Variants in ABLIM1 observed in about 807,000 individuals in gnomAD.
ABLIM1 encodes actin-binding LIM protein 1.
In ABLIM1, 40 loss-of-function variants were observed where a neutral mutation model predicts 107.0. The observed-to-expected ratio is 0.37, with a 90% CI of 0.29 to 0.49. The LOEUF (loss-of-function observed/expected upper bound fraction) is 0.49. Among genes scored for constraint, ABLIM1 ranks in the 20% least tolerant of loss-of-function variants. The pLI, the probability that ABLIM1 is intolerant of heterozygous loss-of-function variation, is 0.97. For synonymous variants in ABLIM1, 357 were observed against 357.3 expected (o/e 1.00, Z 0.01); for missense variants, 857 against 1,008.5 (o/e 0.85, Z 2.04).
intron 1 of ABLIM1, among the ~76,000 whole-genome samples, chr10:114,744,183 TTTGGAGGTAGACTCAAACTTAGTTAGA>T (rs888276847): frequency 1.3e-5 from 2 of 152,218 alleles, no homozygotes; most frequent in Non-Finnish European, 2.9e-5. Context: ...GCACCTGTGC[TTTGGAGGTAGACTCAAACTTAGTTAGA>T]TTGGATTCAA....
chr10:114,626,786 A>C (rs778829168), intron 1 of ABLIM1, among the ~76,000 whole-genome samples: 66 of 152,158 alleles, frequency 4.3e-4, no homozygotes, highest in Non-Finnish European at 8.8e-4. Context: ...GACCAAGTTA[A>C]AATGAGATCA....
chr10:114,453,479 A>G lies in ABLIM1; in HGVS notation c.1446T>C (p.Asn482=), dbSNP rs770400193. The part of the protein sequence containing the change: ...RSPQHFHRPG[N]EPSSGRNSPL... ...GGGAGTTCCGGCCGCTGGACGGCTC[A>G]TTGCCTCCAATGAGAAGAATGGAAA... The change falls in exon 13 of 23, where the codon AAT becomes AAC. Residue 482 remains asparagine (N), a synonymous_variant. Transcript: ENST00000533213. 3 of 1,578,560 alleles carry G rather than the reference A, an allele frequency of 1.9e-6. No homozygotes were observed. The South Asian group carries it at 3.4e-5, about 18-fold the overall frequency.
chr10:114,684,408 G>A, exon 1 of ABLIM1: 1 of 1,612,314 alleles, frequency 6.2e-7, no homozygotes, highest in Non-Finnish European at 8.5e-7. Context: ...CACACAGAAA[G>A]GCTGCAACAC....
At chr10:114,642,981 C>T (rs1436527701) in intron 1 of ABLIM1, among the ~76,000 whole-genome samples, 3 of 152,150 alleles carry the variant, frequency 2.0e-5, no homozygotes, top group East Asian at 1.9e-4. Context: ...GCCAAAACGT[C>T]GTTCAGAGAT....
intron 1 of ABLIM1, among the ~76,000 whole-genome samples, chr10:114,643,260 T>A (rs1204885743): frequency 2.6e-5 from 4 of 152,156 alleles, no homozygotes; most frequent in Non-Finnish European, 5.9e-5. Flanking sequence ...ACATTACAAC[T>A]AACAAAAATC....
At chr10:114,602,280 G>A (rs1191954336) in intron 1 of ABLIM1, among the ~76,000 whole-genome samples, 1 of 152,178 alleles carries the variant, frequency 6.6e-6, no homozygotes, top group Admixed American at 6.5e-5. Flanking sequence ...ATTTTGTTAT[G>A]TGGACTTGTA....
intron 1 of ABLIM1, among the ~76,000 whole-genome samples, chr10:114,699,432 GA>G (rs1374871114): frequency 2.0e-5 from 3 of 151,956 alleles, no homozygotes; most frequent in Non-Finnish European, 4.4e-5. Context: ...TAATAAAAAA[GA>G]AAGCATAAAA....
intron 4 of ABLIM1, among the ~76,000 whole-genome samples, chr10:114,551,275 C>T (rs2068027911): frequency 6.6e-6 from 1 of 152,240 alleles, no homozygotes; most frequent in Non-Finnish European, 1.5e-5. Flanking sequence ...GTCTTGGGCT[C>T]TTTACAACCA....
the ABLIM1 span, among the ~76,000 whole-genome samples, chr10:114,795,577 C>T: frequency 6.6e-5 from 10 of 152,026 alleles, no homozygotes; most frequent in African/African-American, 2.4e-4. Flanking sequence ...GGCGTGGTGG[C>T]ACGAGCCTGT....
intron 6 of ABLIM1, among the ~76,000 whole-genome samples, chr10:114,501,662 AT>A (rs1030508055): frequency 1.1e-4 from 16 of 152,208 alleles, no homozygotes; most frequent in Non-Finnish European, 1.8e-4. Flanking sequence ...TTCCAAATGT[AT>A]TTTTTAAAAT....
chr10:114,439,082 TACA>T, intron 21 of ABLIM1, 91 bp downstream of exon 21: 1 of 1,482,014 alleles, frequency 6.7e-7, no homozygotes, highest in Non-Finnish European at 9.4e-7. Context: ...CACACCAGCC[TACA>T]ACACTTTGAG....
chr10:114,561,330 G>A (rs1205091172), intron 4 of ABLIM1, among the ~76,000 whole-genome samples: 12 of 152,172 alleles, frequency 7.9e-5, no homozygotes, highest in Admixed American at 4.6e-4. Context: ...CTTTCATCAC[G>A]TGACCTGTCA....
intron 6 of ABLIM1, among the ~76,000 whole-genome samples, chr10:114,499,120 C>T (rs2060060370): frequency 6.6e-6 from 1 of 152,214 alleles, no homozygotes; most frequent in South Asian, 2.1e-4. Context: ...CACACGTTAA[C>T]CCTGTTAAAC....
At chr10:114,571,734 C>G (rs1375542787) in intron 3 of ABLIM1, among the ~76,000 whole-genome samples, 4 of 152,126 alleles carry the variant, frequency 2.6e-5, no homozygotes, top group African/African-American at 9.7e-5. Flanking sequence ...AATGGAAAGT[C>G]CTTCATGAAA....
At chr10:114,669,795 T>C (rs904223025) in intron 1 of ABLIM1, among the ~76,000 whole-genome samples, 4 of 151,934 alleles carry the variant, frequency 2.6e-5, no homozygotes, top group Admixed American at 2.6e-4. Context: ...TGGAGCTCCG[T>C]GTGTGTGTTG....
intron 6 of ABLIM1, among the ~76,000 whole-genome samples, chr10:114,534,929 C>A (rs142810747): frequency 6.4e-4 from 97 of 152,300 alleles, no homozygotes; most frequent in African/African-American, 2.1e-3. Flanking sequence ...ATGCAGTCTG[C>A]TGGTGCCCTG....
intron 2 of ABLIM1, among the ~76,000 whole-genome samples, chr10:114,589,384 C>T (rs1424092404): frequency 1.3e-5 from 2 of 151,754 alleles, no homozygotes; most frequent in Non-Finnish European, 1.5e-5. Context: ...CAAAAATTAG[C>T]TAGGTATGGT....
Position 114,612,701 on chromosome 10 carries a change from T to C in ABLIM1, c.245-10740A>G, listed in dbSNP as rs182126633. Among the ~76,000 whole-genome samples, 26 of 152,308 alleles carry C rather than the reference T, an allele frequency of 1.7e-4. 1 individual carries two copies. The highest frequency in any genetic ancestry group is 1.7e-3 in the Admixed American group (26 of 15,294). ...TCCAGTCTAACAAATGGGCATTGGC[T>C]TCAGTCTAAACTCTGCCGGCAGAAC... On this transcript the variant is annotated intron_variant, in intron 1 of 22. Coordinates refer to ENST00000533213, the MANE Select transcript of ABLIM1 (RefSeq NM_002313.7).
intron 4 of ABLIM1, among the ~76,000 whole-genome samples, chr10:114,560,006 A>G (rs1012733156): frequency 1.3e-5 from 2 of 152,174 alleles, no homozygotes. Context: ...AGGCCATTCA[A>G]TGGTGCCCAT....
Sources: allele counts gnomAD v4.1 joint callset (sites outside exome capture counted in the v4.1 genomes callset), GRCh38; gene constraint gnomAD v4.1.1; transcripts MANE v1.5; gene names NCBI Gene and HGNC (gene_info 2026-07-23, HGNC 2026-07-21).